LSM1: variants seen among roughly 807,000 people sequenced by gnomAD.
The protein encoded by LSM1 is LSM1 homolog, mRNA degradation associated.
Under a neutral mutation model 18.0 loss-of-function variants are expected in LSM1, and 13 were observed. That is an observed-to-expected ratio of 0.72 (90% CI 0.47 to 1.15). The LOEUF is 1.15. Among genes scored for constraint, LSM1 ranks in the 50% most tolerant of loss-of-function variants. LSM1 has a pLI of 0.00. For synonymous variants in LSM1, 46 were observed against 56.0 expected (o/e 0.82, Z 0.80); for missense variants, 152 against 157.7 (o/e 0.96, Z 0.19).
intron 1 of LSM1, among the ~76,000 whole-genome samples, chr8:38,172,448 A>G (rs1803049025): frequency 6.6e-6 from 1 of 150,818 alleles, no homozygotes; most frequent in South Asian, 2.1e-4. Flanking sequence ...CGGCCTCCTT[A>G]GTAGCTGGGA....
intron 1 of LSM1, among the ~76,000 whole-genome samples, chr8:38,173,977 A>C (rs1803073158): frequency 6.6e-6 from 1 of 152,178 alleles, no homozygotes; most frequent in African/African-American, 2.4e-5. Context: ...AGAGAAATCA[A>C]GAGAAGAGAA....
intron 1 of LSM1, among the ~76,000 whole-genome samples, chr8:38,172,324 C>CTTTTT: frequency 8.1e-6 from 1 of 123,690 alleles, no homozygotes; most frequent in Non-Finnish European, 1.7e-5. Flanking sequence ...TTCCTTTTTT[C>CTTTTT]TTTTTTTTTT....
intron 1 of LSM1, chr8:38,175,793 T>A (rs1014058313): frequency 6.5e-6 from 1 of 153,528 alleles, no homozygotes; most frequent in Non-Finnish European, 1.5e-5. Flanking sequence ...AGCTAGCAAA[T>A]GGCCACACCG....
At chr8:38,171,878 G>T in intron 2 of LSM1, 87 bp downstream of exon 2, 1 of 1,011,256 alleles carries the variant, frequency 9.9e-7, no homozygotes, top group South Asian at 1.4e-5. Context: ...AAAAGTTGCA[G>T]ATAAATTTCA....
chr8:38,172,981 T>C (rs779237828), intron 1 of LSM1, among the ~76,000 whole-genome samples: 14 of 152,072 alleles, frequency 9.2e-5, no homozygotes, highest in Non-Finnish European at 1.6e-4. Context: ...AAATAACCTA[T>C]TGTGATTAGG....
chr8:38,169,745 A>G, intron 3 of LSM1, 57 bp downstream of exon 3: 2 of 978,982 alleles, frequency 2.0e-6, no homozygotes, highest in South Asian at 1.5e-5. Context: ...AGACAAAAAA[A>G]GAAGTCTAAC....
Position 38,172,001 on chromosome 8 carries a change from T to C in LSM1, c.79A>G (p.Thr27Ala), listed in dbSNP as rs1350580987. ...ATGCTTCTTAAAAAGCCTATAAGTG[T>C]CCTTCCATCTCGAAGCAGAACCAAG... ...KHLVLLRDGR[T>A]LIGFLRSIDQ... The change falls in exon 2 of 4, where the codon ACA becomes GCA. Residue 27 changes from threonine to alanine, a missense_variant. Physicochemically the swap from Thr to Ala is moderately conservative, Grantham distance 58. Coordinates refer to ENST00000311351, the MANE Select transcript of LSM1 (RefSeq NM_014462.3). The C allele has an allele frequency of 2.5e-6, 4 of 1,611,962 alleles. No homozygotes were observed. The highest frequency in any genetic ancestry group is 3.4e-6 in the Non-Finnish European group (4 of 1,179,472).
chr8:38,176,388 T>C lies in LSM1; in HGVS notation c.-68A>G. ...AGCGCGTCCAAAACCTCTTCCCTCC[T>C]ACCGCAGTCGCCGCCTCGGTGGGAC... On this transcript the variant is annotated 5_prime_UTR_variant, in exon 1 of 4. Coordinates refer to ENST00000311351, the MANE Select transcript of LSM1 (RefSeq NM_014462.3). 4.6e-6 allele frequency: 6 copies of C among 1,304,108 alleles called. No individual in the cohort carries two copies. The highest frequency in any genetic ancestry group is 1.8e-4 in the Middle Eastern group (1 of 5,460). 80.8% of individuals were successfully genotyped at this position (1,304,108 alleles called of 1,614,324 possible). A position where few individuals can be genotyped will look rare whatever the true frequency, so the allele number is the denominator to read the frequency against.
rs1803037461 is a variant in LSM1, at chr8:38,171,999, T to C, written c.81A>G (p.Thr27=). ...CAATGCTTCTTAAAAAGCCTATAAG[T>C]GTCCTTCCATCTCGAAGCAGAACCA... ...KHLVLLRDGR[T]LIGFLRSIDQ... is the part of the protein sequence containing the mutation. Residue 27 remains threonine, a synonymous_variant, in exon 2 of 4, where the codon ACA becomes ACG. Coordinates refer to ENST00000311351, the MANE Select transcript of LSM1 (RefSeq NM_014462.3). 3 of 1,612,078 alleles carry C rather than the reference T, an allele frequency of 1.9e-6. No individual in the cohort carries two copies. Among genetic ancestry groups the C allele is most frequent in the Non-Finnish European group, 2.5e-6 (3 of 1,179,448 alleles).
intron 1 of LSM1, 34 bp downstream of exon 1, chr8:38,176,241 C>A (rs751511799): frequency 1.2e-6 from 2 of 1,608,050 alleles, no homozygotes; most frequent in East Asian, 4.5e-5. Flanking sequence ...AGGGTCTAAC[C>A]CCGGGCTCCA....
chr8:38,168,047 C>T (rs1262221214), intron 3 of LSM1, among the ~76,000 whole-genome samples: 2 of 151,710 alleles, frequency 1.3e-5, no homozygotes, highest in South Asian at 2.1e-4. Context: ...CTGCAAGCTC[C>T]GCCTCCTGGG....
chr8:38,171,271 G>A (rs1186504177), intron 2 of LSM1, among the ~76,000 whole-genome samples: 1 of 152,150 alleles, frequency 6.6e-6, no homozygotes, highest in Admixed American at 6.6e-5. Context: ...AATGGCTCGC[G>A]CCTATAATCT....
At chr8:38,172,754 T>G (rs1313275606) in intron 1 of LSM1, among the ~76,000 whole-genome samples, 1 of 152,162 alleles carries the variant, frequency 6.6e-6, no homozygotes, top group Non-Finnish European at 1.5e-5. Context: ...TGAGCTTCTA[T>G]CTCACATTTT....
chr8:38,173,638 A>C (rs1264407331), intron 1 of LSM1, among the ~76,000 whole-genome samples: 2 of 152,216 alleles, frequency 1.3e-5, no homozygotes, highest in African/African-American at 4.8e-5. Context: ...GAGTTTTATG[A>C]GACATCACAA....
At chr8:38,168,388 C>T (rs1010766494) in intron 3 of LSM1, among the ~76,000 whole-genome samples, 1 of 151,000 alleles carries the variant, frequency 6.6e-6, no homozygotes, top group Non-Finnish European at 1.5e-5. Flanking sequence ...GTCAGGAGTT[C>T]GAGACCAGCC....
intron 1 of LSM1, among the ~76,000 whole-genome samples, chr8:38,173,209 C>CCTGAAGGAATTTATACT (rs1803059419): frequency 6.6e-6 from 1 of 152,098 alleles, no homozygotes; most frequent in Admixed American, 6.6e-5. Context: ...GTGACTCTGC[C>CCTGAAGGAATTTATACT]CTGAAGGAAT....
chr8:38,163,988 G>A, intron 3 of LSM1, 148 bp from the exon 4 acceptor site: 1 of 678,426 alleles, frequency 1.5e-6, no homozygotes, highest in Non-Finnish European at 2.5e-6. Context: ...GGACCGGTAA[G>A]TTTTTCAAAG....
chr8:38,168,463 C>T lies in LSM1; in HGVS notation c.231+1339G>A, dbSNP rs1204413354. Among the ~76,000 whole-genome samples the T allele has an allele frequency of 2.6e-5, 4 of 151,206 alleles. No individual in the cohort carries two copies. In the East Asian group the frequency reaches 5.9e-4, roughly 22 times the overall value. On this transcript the variant is annotated intron_variant, in intron 3 of 3. Coordinates refer to ENST00000311351, the MANE Select transcript of LSM1 (RefSeq NM_014462.3). The stretch of plus-strand genomic sequence containing the variant: ...AAAATTAGCTGGGCTTGGTTGCGGG[C>T]ACCTGTAATCCCAGCTACTCGGGAG...
Position 38,163,494 on chromosome 8 carries a change from T to G in LSM1, c.*176A>C, listed in dbSNP as rs2130635124. ...TTTCTTTAAACAGTGATTTTGTTAT[T>G]AAAAAAAAAACCCACCTACACGATT... On this transcript the variant is annotated 3_prime_UTR_variant, in exon 4 of 4. Transcript: ENST00000311351. 1 of 484,822 alleles carries G rather than the reference T, an allele frequency of 2.1e-6. No individual in the cohort carries two copies. The highest frequency in any genetic ancestry group is 3.4e-5 in the East Asian group (1 of 29,140). 30.0% of individuals were successfully genotyped at this position (484,822 alleles called of 1,614,324 possible).
Sources: allele counts gnomAD v4.1 joint callset (sites outside exome capture counted in the v4.1 genomes callset), GRCh38; gene constraint gnomAD v4.1.1; transcripts MANE v1.5; gene names NCBI Gene and HGNC (gene_info 2026-07-23, HGNC 2026-07-21).